The following HFM1 variants were observed in gnomAD, a reference collection of about 807,000 sequenced individuals.
HFM1 encodes the protein helicase for meiosis 1.
A neutral mutation model predicts 192.1 loss-of-function variants in HFM1; 169 were observed. That is an observed-to-expected ratio of 0.88 (90% CI 0.78 to 1.00). HFM1 has a LOEUF of 1.00. HFM1 is among the 50% of genes least tolerant of loss of function. The pLI is 0.00. For missense variants in HFM1, 1,661 were observed against 1,668.0 expected, an observed-to-expected ratio of 1.00 and a Z score of 0.07; for synonymous variants, 525 against 537.8, an observed-to-expected ratio of 0.98 and a Z score of 0.33.
At chr1:91,327,633 T>C (rs1653114615) in intron 20 of HFM1, among the ~76,000 whole-genome samples, 1 of 152,212 alleles carries the variant, frequency 6.6e-6, no homozygotes, top group East Asian at 1.9e-4. Context: ...CAAATGGACC[T>C]GATAGATATT....
intron 29 of HFM1, among the ~76,000 whole-genome samples, 188 bp from the exon 30 acceptor site, chr1:91,313,683 TAAA>T (rs933450437): frequency 6.6e-6 from 1 of 151,842 alleles, no homozygotes; most frequent in Non-Finnish European, 1.5e-5. Context: ...ATTATAAAAA[TAAA>T]AATCTTCCAA....
chr1:91,392,635 A>G (rs926334753), intron 4 of HFM1, among the ~76,000 whole-genome samples: 7 of 152,140 alleles, frequency 4.6e-5, no homozygotes, highest in Admixed American at 3.3e-4. Flanking sequence ...TAGAAGAAAT[A>G]CCTAATGTAA....
chr1:91,313,830 A>G (rs913911352), intron 29 of HFM1, 127 bp downstream of exon 29: 3 of 497,066 alleles, frequency 6.0e-6, no homozygotes, highest in Middle Eastern at 5.4e-4. Context: ...GTTTATTCAT[A>G]TTATCTAAAT....
At chr1:91,295,356 T>C (rs1647361347) in intron 30 of HFM1, among the ~76,000 whole-genome samples, 1 of 152,190 alleles carries the variant, frequency 6.6e-6, no homozygotes, top group Non-Finnish European at 1.5e-5. Context: ...AGGCTACAAG[T>C]CCAAGATCAA....
chr1:91,353,451 T>G lies in HFM1; in HGVS notation c.1686-152A>C, dbSNP rs1012867678. 4 of 508,872 alleles carry G rather than the reference T, an allele frequency of 7.9e-6. No individual in the cohort carries two copies. The East Asian group carries it at 1.3e-4, about 17-fold the overall frequency. 31.5% of individuals were successfully genotyped at this position (508,872 alleles called of 1,614,324 possible). The stretch of plus-strand genomic sequence containing the variant: ...TTAAGAAGTAGAAAATATCCAACTT[T>G]CATATTCAAAAGTCCCTAAACTTAT... On this transcript the variant is annotated intron_variant, in intron 13 of 38. Coordinates refer to ENST00000370425, the MANE Select transcript of HFM1 (RefSeq NM_001017975.6).
intron 6 of HFM1, among the ~76,000 whole-genome samples, chr1:91,381,325 T>C (rs1177726716): frequency 6.6e-6 from 1 of 152,216 alleles, no homozygotes; most frequent in African/African-American, 2.4e-5. Context: ...TTTTTCTTAT[T>C]TACCTTGACA....
At chr1:91,289,873 G>C (rs1668530370) in intron 30 of HFM1, among the ~76,000 whole-genome samples, 1 of 152,014 alleles carries the variant, frequency 6.6e-6, no homozygotes, top group Admixed American at 6.6e-5. Context: ...GGAGACGAGA[G>C]GGAGAGGGAG....
intron 13 of HFM1, among the ~76,000 whole-genome samples, chr1:91,362,143 A>T (rs1302559941): frequency 6.6e-6 from 1 of 152,190 alleles, no homozygotes; most frequent in Non-Finnish European, 1.5e-5. Flanking sequence ...CAAGAAAAGG[A>T]TCCCTTCTCT....
intron 25 of HFM1, among the ~76,000 whole-genome samples, chr1:91,316,762 C>A (rs1371158097): frequency 6.6e-6 from 1 of 152,086 alleles, no homozygotes; most frequent in African/African-American, 2.4e-5. Context: ...CATCCATAGT[C>A]CAATCACCAA....
At position 91,380,094 on chromosome 1, in the gene HFM1, A is replaced by T; in HGVS notation, c.1006+10T>A. 7.8e-7 allele frequency: 1 copy of T among 1,280,266 alleles called. No individual in the cohort carries two copies. Among genetic ancestry groups the T allele is most frequent in the Non-Finnish European group, 1.1e-6 (1 of 929,694 alleles). 79.3% of individuals were successfully genotyped at this position (1,280,266 alleles called of 1,614,324 possible). On this transcript the variant is annotated intron_variant, in intron 8 of 38. Coordinates refer to ENST00000370425, the MANE Select transcript of HFM1 (RefSeq NM_001017975.6). ...TATAATTAGTCATCACTCTTATAAT[A>T]AATACTTACTGTAAACAATTTTAAT...
chr1:91,385,158 G>A, intron 6 of HFM1, 29 bp downstream of exon 6: 2 of 1,273,104 alleles, frequency 1.6e-6, no homozygotes, highest in Non-Finnish European at 2.2e-6. Flanking sequence ...TAAATACAAA[G>A]CAGCTATTGT....
At chr1:91,333,512 A>T (rs528179256) in intron 20 of HFM1, among the ~76,000 whole-genome samples, 6 of 106,578 alleles carry the variant, frequency 5.6e-5, no homozygotes, top group Non-Finnish European at 1.3e-4. Context: ...GTACAAAAAT[A>T]AAAAAAAAAC....
intron 4 of HFM1, among the ~76,000 whole-genome samples, chr1:91,393,304 T>A (rs1458081016): frequency 2.0e-5 from 3 of 152,054 alleles, no homozygotes; most frequent in Admixed American, 2.0e-4. Flanking sequence ...GATAACCACA[T>A]CTCCTATGTC....
chr1:91,353,804 A>C (rs1369933269), intron 13 of HFM1, among the ~76,000 whole-genome samples: 2 of 151,630 alleles, frequency 1.3e-5, no homozygotes, highest in Non-Finnish European at 3.0e-5. Context: ...CAAAACAATG[A>C]ATAAACAACT....
At chr1:91,266,623 G>A (rs1665790856) in intron 35 of HFM1, among the ~76,000 whole-genome samples, 1 of 152,162 alleles carries the variant, frequency 6.6e-6, no homozygotes, top group African/African-American at 2.4e-5. Flanking sequence ...TCAGTGGTCT[G>A]CTCATAATCA....
intron 30 of HFM1, among the ~76,000 whole-genome samples, chr1:91,294,198 A>G (rs1478460151): frequency 6.6e-6 from 1 of 151,956 alleles, no homozygotes; most frequent in Non-Finnish European, 1.5e-5. Context: ...TTAAAGTATA[A>G]TAATAATAAA....
chr1:91,400,630 C>T (rs1040958392), intron 2 of HFM1, among the ~76,000 whole-genome samples: 3 of 152,040 alleles, frequency 2.0e-5, no homozygotes, highest in Admixed American at 1.3e-4. Context: ...TAGAGGCATG[C>T]GCCACCAGGC....
intron 16 of HFM1, among the ~76,000 whole-genome samples, chr1:91,352,212 AC>A (rs1444522162): frequency 6.6e-6 from 1 of 150,514 alleles, no homozygotes; most frequent in Admixed American, 6.6e-5. Context: ...TGCTAAGAGT[AC>A]CCCCATTCAG....
At chr1:91,290,708 A>C (rs1305343197) in intron 30 of HFM1, among the ~76,000 whole-genome samples, 3 of 152,160 alleles carry the variant, frequency 2.0e-5, no homozygotes, top group Non-Finnish European at 4.4e-5. Context: ...GACCTAATAG[A>C]CATCTACAGA....
Sources: gnomAD v4.1 joint callset for allele counts (sites outside exome capture counted in the v4.1 genomes callset) on GRCh38, gnomAD v4.1.1 for gene constraint, MANE v1.5 for transcripts, NCBI Gene and HGNC (gene_info 2026-07-23, HGNC 2026-07-21) for gene names.